L3MBTL4: variants seen among roughly 807,000 people sequenced by gnomAD.
L3MBTL4 encodes the protein lethal(3)malignant brain tumor-like protein 4.
A neutral mutation model predicts 84.5 loss-of-function variants in L3MBTL4; 70 were observed. That is an observed-to-expected ratio of 0.83 (90% confidence interval 0.68 to 1.01). L3MBTL4 has a LOEUF of 1.01. Among genes scored for constraint, L3MBTL4 ranks in the 50% least tolerant of loss-of-function variants. The probability of loss-of-function intolerance (pLI) is 0.00; values close to 1 mark genes in which losing one functional copy is unlikely to be tolerated. For missense variants in L3MBTL4, 715 were observed against 754.8 expected, an observed-to-expected ratio of 0.95 and a Z score of 0.62; for synonymous variants, 274 against 259.8, an observed-to-expected ratio of 1.05 and a Z score of -0.52.
chr18:6,285,833 T>C (rs1000106873), intron 4 of L3MBTL4, among the ~76,000 whole-genome samples: 22 of 148,604 alleles, frequency 1.5e-4, no homozygotes, highest in Non-Finnish European at 4.5e-5. Flanking sequence ...ATTATTATTA[T>C]TATTATTATT....
At chr18:6,038,657 A>G (rs2056262025) in intron 16 of L3MBTL4, among the ~76,000 whole-genome samples, 1 of 152,192 alleles carries the variant, frequency 6.6e-6, no homozygotes, top group Admixed American at 6.5e-5. Context: ...TAGTGCAGCA[A>G]TGTGAGGAGG....
At chr18:6,015,697 G>A (rs1347698576) in intron 16 of L3MBTL4, among the ~76,000 whole-genome samples, 2 of 152,164 alleles carry the variant, frequency 1.3e-5, no homozygotes, top group Non-Finnish European at 2.9e-5. Context: ...GGTGGCTCAC[G>A]CCTGTAACCC....
intron 14 of L3MBTL4, among the ~76,000 whole-genome samples, chr18:6,111,484 A>G (rs887448466): frequency 1.3e-5 from 2 of 152,208 alleles, no homozygotes; most frequent in African/African-American, 2.4e-5. Flanking sequence ...GCCCCACTTC[A>G]GCCCATGATA....
At chr18:6,218,006 A>G (rs1265858002) in intron 10 of L3MBTL4, among the ~76,000 whole-genome samples, 1 of 152,082 alleles carries the variant, frequency 6.6e-6, no homozygotes, top group African/African-American at 2.4e-5. Context: ...TTTTAAGCTG[A>G]ATTTTTTTTA....
chr18:6,362,834 T>A (rs539216292), intron 1 of L3MBTL4, among the ~76,000 whole-genome samples: 6 of 152,252 alleles, frequency 3.9e-5, no homozygotes, highest in Non-Finnish European at 8.8e-5. Flanking sequence ...CAAGTTTTTA[T>A]TAGAAATGTT....
At chr18:6,219,120 T>G (rs1167836428) in intron 10 of L3MBTL4, among the ~76,000 whole-genome samples, 3 of 152,110 alleles carry the variant, frequency 2.0e-5, no homozygotes, top group African/African-American at 4.8e-5. Context: ...ATTTTTTAGG[T>G]GAGAACTTGA....
chr18:6,400,712 C>T (rs1303070246), intron 1 of L3MBTL4, among the ~76,000 whole-genome samples: 1 of 152,178 alleles, frequency 6.6e-6, no homozygotes, highest in Non-Finnish European at 1.5e-5. Context: ...ACACCCGGCA[C>T]AGGATTTTGT....
At chr18:5,999,433 T>G (rs1052744235) in intron 16 of L3MBTL4, among the ~76,000 whole-genome samples, 3 of 152,202 alleles carry the variant, frequency 2.0e-5, no homozygotes, top group African/African-American at 7.2e-5. Flanking sequence ...AAGGAAGGGC[T>G]CACTCTTTCT....
At chr18:6,090,925 T>C (rs1180323391) in intron 15 of L3MBTL4, among the ~76,000 whole-genome samples, 1 of 152,014 alleles carries the variant, frequency 6.6e-6, no homozygotes, top group African/African-American at 2.4e-5. Context: ...AGCTCAATGG[T>C]GGATGGCTTG....
At chr18:6,290,107 A>C (rs927549873) in intron 4 of L3MBTL4, among the ~76,000 whole-genome samples, 2 of 152,048 alleles carry the variant, frequency 1.3e-5, no homozygotes, top group African/African-American at 4.8e-5. Context: ...TTTCTTGTAG[A>C]GACAAGGTCT....
At chr18:5,999,084 C>T (rs933880674) in intron 16 of L3MBTL4, among the ~76,000 whole-genome samples, 1 of 152,188 alleles carries the variant, frequency 6.6e-6, no homozygotes, top group Non-Finnish European at 1.5e-5. Flanking sequence ...CTCACAGTCC[C>T]ACCTACTGCC....
chr18:6,296,086 C>T (rs1425176469), intron 4 of L3MBTL4, among the ~76,000 whole-genome samples: 1 of 152,128 alleles, frequency 6.6e-6, no homozygotes, highest in Non-Finnish European at 1.5e-5. Flanking sequence ...AACATTAGAT[C>T]CACTGACATA....
chr18:5,984,259 G>T (rs1446224293), intron 16 of L3MBTL4, among the ~76,000 whole-genome samples: 2 of 152,164 alleles, frequency 1.3e-5, no homozygotes, highest in Non-Finnish European at 2.9e-5. Context: ...AGACATACTG[G>T]TGTTAATTCT....
At chr18:6,109,727 G>A (rs1286131998) in intron 14 of L3MBTL4, among the ~76,000 whole-genome samples, 1 of 152,162 alleles carries the variant, frequency 6.6e-6, no homozygotes, top group East Asian at 1.9e-4. Context: ...GATGCCAGGA[G>A]GCCAGGGAGA....
intron 14 of L3MBTL4, among the ~76,000 whole-genome samples, chr18:6,119,666 T>C (rs1005498916): frequency 5.3e-5 from 8 of 152,194 alleles, no homozygotes; most frequent in East Asian, 3.9e-4. Flanking sequence ...GGAATATTAT[T>C]TGATAGAAGA....
At chr18:5,979,995 C>G (rs922094467) in intron 16 of L3MBTL4, among the ~76,000 whole-genome samples, 1 of 152,220 alleles carries the variant, frequency 6.6e-6, no homozygotes, top group African/African-American at 2.4e-5. Context: ...CCACACTCAC[C>G]TCTCTGGGAA....
At chr18:6,127,877 C>T (rs2059746496) in intron 14 of L3MBTL4, among the ~76,000 whole-genome samples, 1 of 152,070 alleles carries the variant, frequency 6.6e-6, no homozygotes, top group South Asian at 2.1e-4. Flanking sequence ...TTGATGGGCT[C>T]CAGCAGTGCA....
intron 1 of L3MBTL4, among the ~76,000 whole-genome samples, chr18:6,359,560 T>C (rs970683602): frequency 7.2e-5 from 11 of 152,220 alleles, no homozygotes; most frequent in African/African-American, 2.6e-4. Flanking sequence ...AGATAACTCT[T>C]AGAAGAGGGT....
chr18:6,346,504 T>G (rs1157502568), intron 1 of L3MBTL4, among the ~76,000 whole-genome samples: 1 of 151,810 alleles, frequency 6.6e-6, no homozygotes, highest in East Asian at 1.9e-4. Flanking sequence ...ACAAAAAAAA[T>G]TTAAAAACCT....
Sources: allele counts gnomAD v4.1 joint callset (sites outside exome capture counted in the v4.1 genomes callset), GRCh38; gene constraint gnomAD v4.1.1; transcripts MANE v1.5; gene names NCBI Gene and HGNC (gene_info 2026-07-23, HGNC 2026-07-21).